The following PHTF1 variants were observed in gnomAD, a reference collection of about 807,000 sequenced individuals.
PHTF1 encodes the protein putative homeodomain transcription factor 1.
In PHTF1, 88 loss-of-function variants were observed where a neutral mutation model predicts 102.4. That is an observed-to-expected ratio of 0.86 (90% CI 0.72 to 1.03). PHTF1 has a LOEUF of 1.03. Ranked by LOEUF, PHTF1 falls within the 50% of genes least tolerant of loss-of-function variation. The probability of loss-of-function intolerance (pLI) is 0.00; values close to 1 mark genes in which losing one functional copy is unlikely to be tolerated. For missense variants in PHTF1, 814 were observed against 909.5 expected, an observed-to-expected ratio of 0.89 and a Z score of 1.35; for synonymous variants, 289 against 305.2, an observed-to-expected ratio of 0.95 and a Z score of 0.55.
At chr1:113,758,138 A>T (rs1327662981) in intron 2 of PHTF1, among the ~76,000 whole-genome samples, 1 of 145,822 alleles carries the variant, frequency 6.9e-6, no homozygotes. Context: ...GATCCCAGCT[A>T]CTCCAGAGGC....
At chr1:113,741,233 A>G (rs1054265605) in intron 3 of PHTF1, among the ~76,000 whole-genome samples, 1 of 152,136 alleles carries the variant, frequency 6.6e-6, no homozygotes, top group African/African-American at 2.4e-5. Flanking sequence ...AATCTTATAT[A>G]TTTCTATTCA....
chr1:113,749,113 A>G (rs1367615428), intron 3 of PHTF1, among the ~76,000 whole-genome samples: 3 of 152,244 alleles, frequency 2.0e-5, no homozygotes, highest in African/African-American at 7.2e-5. Flanking sequence ...GTTATACAAT[A>G]GATGTCCTGA....
At chr1:113,703,594 C>A (rs1649685972) in intron 15 of PHTF1, among the ~76,000 whole-genome samples, 1 of 152,002 alleles carries the variant, frequency 6.6e-6, no homozygotes, top group Non-Finnish European at 1.5e-5. Context: ...CTCCTGGCCT[C>A]ACACAATCCT....
intron 5 of PHTF1, among the ~76,000 whole-genome samples, chr1:113,730,269 A>T (rs1390574986): frequency 6.6e-6 from 1 of 152,164 alleles, no homozygotes; most frequent in East Asian, 1.9e-4. Context: ...AAAAAAAAAC[A>T]CATACATACA....
intron 5 of PHTF1, among the ~76,000 whole-genome samples, chr1:113,734,783 T>G (rs1557950954): frequency 6.6e-6 from 1 of 152,238 alleles, no homozygotes; most frequent in East Asian, 1.9e-4. Flanking sequence ...TGGGGATGAG[T>G]GCCCTTATAG....
At chr1:113,706,851 C>CTTTTTTTTTT (rs11363653) in intron 11 of PHTF1, 129 bp from the exon 12 acceptor site, 20 of 217,646 alleles carry the variant, frequency 9.2e-5, no homozygotes, top group East Asian at 3.0e-4. Flanking sequence ...TTCTTTCTTT[C>CTTTTTTTTTT]TTTTTTTTTT....
At chr1:113,756,974 T>C (rs1658979800) in intron 3 of PHTF1, among the ~76,000 whole-genome samples, 1 of 152,106 alleles carries the variant, frequency 6.6e-6, no homozygotes, top group Non-Finnish European at 1.5e-5. Context: ...GAGACCATCC[T>C]GGCTAACACA....
chr1:113,727,260 T>G (rs1653987626), intron 5 of PHTF1, among the ~76,000 whole-genome samples: 1 of 152,104 alleles, frequency 6.6e-6, no homozygotes. Context: ...TCAAACACAA[T>G]AATGAAAGTA....
intron 7 of PHTF1, 140 bp from the exon 8 acceptor site, chr1:113,713,578 C>T: frequency 1.7e-6 from 1 of 604,578 alleles, no homozygotes; most frequent in South Asian, 2.1e-5. Flanking sequence ...CTTTAGCTTG[C>T]TAAGTAAGGG....
At position 113,712,191 on chromosome 1, in the gene PHTF1, A is replaced by T. The variant is rs902970163; in HGVS notation, c.784-78T>A. The stretch of plus-strand genomic sequence containing the variant: ...AAGCTGCATGTGTAAAAACAAAAAA[A>T]AATCATACAAAAACTACCAAGCAGC... On this transcript the variant is annotated intron_variant, in intron 8 of 18. Transcript: ENST00000369604. 6 of 1,153,576 alleles carry T rather than the reference A, an allele frequency of 5.2e-6. No individual in the cohort carries two copies. The Admixed American group carries it at 9.5e-5, about 18-fold the overall frequency. The allele number at this position is 1,153,576 out of a possible 1,614,324, so 71.5% of individuals were successfully genotyped here. A position where few individuals can be genotyped will look rare whatever the true frequency, so the allele number is the denominator to read the frequency against.
At position 113,706,092 on chromosome 1, in the gene PHTF1, A is replaced by T; in HGVS notation, c.1469T>A (p.Phe490Tyr). 1 of 1,614,108 alleles carries T rather than the reference A, an allele frequency of 6.2e-7. No individual in the cohort carries two copies. Among genetic ancestry groups the T allele is most frequent in the African/African-American group, 1.3e-5 (1 of 75,072 alleles). Residue 490 changes from phenylalanine (F) to tyrosine (Y), a missense_variant, in exon 13 of 19, where the codon TTT becomes TAT. By Grantham distance (22) the Phe-to-Tyr change is conservative (BLOSUM62 3). Transcript: ENST00000369604. ...ACGGAAAAGTCGATGTAAGAATGGA[A>T]AAAATGCTAATCCAATAGTGACAAC... ...GNVVTIGLAF[F>Y]PFLHRLFREK... is the part of the protein sequence containing the mutation.
At chr1:113,738,418 T>A in intron 4 of PHTF1, 150 bp from the exon 5 acceptor site, 2 of 600,644 alleles carry the variant, frequency 3.3e-6, no homozygotes, top group Admixed American at 3.5e-5. Flanking sequence ...GTTTGTTAAA[T>A]GTAATAACTT....
chr1:113,708,471 C>G (rs1031344253), intron 11 of PHTF1, among the ~76,000 whole-genome samples: 1 of 152,090 alleles, frequency 6.6e-6, no homozygotes, highest in African/African-American at 2.4e-5. Context: ...ACTAAAAATA[C>G]AAAAATTAGC....
chr1:113,739,227 C>T (rs1373224364), intron 3 of PHTF1, among the ~76,000 whole-genome samples: 2 of 152,148 alleles, frequency 1.3e-5, no homozygotes, highest in African/African-American at 4.8e-5. Context: ...TTACTGGGGA[C>T]ACTTTAATCC....
At chr1:113,736,623 G>A (rs1388815241) in intron 5 of PHTF1, among the ~76,000 whole-genome samples, 1 of 151,590 alleles carries the variant, frequency 6.6e-6, no homozygotes, top group Non-Finnish European at 1.5e-5. Flanking sequence ...GCGCACACCT[G>A]TATCCCAGCT....
intron 3 of PHTF1, among the ~76,000 whole-genome samples, chr1:113,750,844 CAAA>C (rs529852605): frequency 7.7e-5 from 7 of 90,478 alleles, no homozygotes; most frequent in Admixed American, 2.3e-4. Context: ...ACTCTGTCTC[CAAA>C]AAAAAAAAAA....
chr1:113,758,842 T>C (rs1659277105), intron 1 of PHTF1, 109 bp from the exon 2 acceptor site: 2 of 1,353,192 alleles, frequency 1.5e-6, no homozygotes, highest in South Asian at 1.9e-5. Context: ...AGCTGCTCTT[T>C]CTCCAGCTGT....
In PHTF1 at chr1:113,738,726, TA is replaced by T; in HGVS notation, c.172+3del. The T allele has an allele frequency of 6.4e-7, 1 of 1,561,562 alleles. No homozygotes were observed. Among genetic ancestry groups the T allele is most frequent in the South Asian group, 1.2e-5 (1 of 83,074 alleles). Reference sequence around the variant, plus strand: ...TGTACATAAAAAACAATTTTAAGACTAACCTCTGATTAAGTCAACGTCAATC... The same window carrying T: ...TGTACATAAAAAACAATTTTAAGACTACCTCTGATTAAGTCAACGTCAATC... On this transcript the variant is annotated splice_donor_region_variant and intron_variant, in intron 4 of 18. Coordinates refer to ENST00000369604, the MANE Select transcript of PHTF1 (RefSeq NM_001323043.2).
At position 113,726,472 on chromosome 1, in the gene PHTF1, A is replaced by G. The variant is rs763624356; in HGVS notation, c.434T>C (p.Ile145Thr). The change falls in exon 6 of 19, where the codon ATT becomes ACT. Residue 145 changes from isoleucine (I) to threonine (T), a missense_variant. By Grantham distance (89) the Ile-to-Thr change is moderately conservative. Transcript: ENST00000369604. ...TGGTCTTGTTATCTGAGTAGACACA[A>G]TTTGACAGTGGACAGTTCCCATGAG... ...MLLMGTVHCQ[I>T]VSTQITRPSG... The G allele has an allele frequency of 1.3e-5, 21 of 1,612,044 alleles. 1 individual carries two copies. In the South Asian group the frequency reaches 2.2e-4, roughly 17 times the overall value.
Sources: allele counts gnomAD v4.1 joint callset (sites outside exome capture counted in the v4.1 genomes callset), GRCh38; gene constraint gnomAD v4.1.1; transcripts MANE v1.5; gene names NCBI Gene and HGNC (gene_info 2026-07-23, HGNC 2026-07-21).